Variants in CACNA1E observed in about 807,000 individuals in gnomAD.
CACNA1E encodes voltage-dependent R-type calcium channel subunit alpha-1E.
In CACNA1E, 40 loss-of-function variants were observed where a neutral mutation model predicts 259.2. The ratio of observed to expected loss-of-function variants is 0.15; its 90% CI spans 0.12 to 0.20. CACNA1E has a LOEUF of 0.20. Ranked by LOEUF, CACNA1E falls within the 10% of genes least tolerant of loss-of-function variation. The probability of loss-of-function intolerance (pLI) is 1.00; values close to 1 mark genes in which losing one functional copy is unlikely to be tolerated. For missense variants in CACNA1E, 1,874 were observed against 3,040.1 expected (o/e 0.62, Z 9.02); for synonymous variants, 1,104 against 1,138.5 (o/e 0.97, Z 0.61).
At chr1:181,683,953 C>T (rs968046613) in intron 7 of CACNA1E, among the ~76,000 whole-genome samples, 4 of 152,134 alleles carry the variant, frequency 2.6e-5, no homozygotes, top group Non-Finnish European at 5.9e-5. Context: ...GGTATATATA[C>T]AGATTGCTCC....
intron 14 of CACNA1E, 51 bp downstream of exon 14, chr1:181,720,388 G>A: frequency 6.3e-7 from 1 of 1,579,208 alleles, no homozygotes; most frequent in Non-Finnish European, 8.6e-7. Flanking sequence ...CCCAGTCGTA[G>A]CCTGTGTTGG....
intron 3 of CACNA1E, among the ~76,000 whole-genome samples, chr1:181,566,332 A>G (rs184116154): frequency 6.6e-6 from 1 of 152,302 alleles, no homozygotes; most frequent in East Asian, 1.9e-4. Context: ...GGATAGTGGT[A>G]CCTGTATGGA....
rs186226006 is a variant in CACNA1E at position 181,807,374 on chromosome 1, C to G, written c.*8540C>G. ...AGGTGGGGGGATTATAGGGCACCAG[C>G]TCAGCCGCCAAGTTCAGGAAGCAGC... On this transcript the variant is annotated 3_prime_UTR_variant, in exon 48 of 48. Transcript: ENST00000367573. 1.3e-5 allele frequency: 2 copies of G among 152,246 alleles called. No homozygotes were observed. Among genetic ancestry groups the G allele is most frequent in the Non-Finnish European group, 2.9e-5 (2 of 68,124 alleles). The allele number at this position is 152,246 out of a possible 1,614,324, so 9.4% of individuals were successfully genotyped here.
intron 3 of CACNA1E, among the ~76,000 whole-genome samples, chr1:181,531,631 C>G (rs1667789035): frequency 6.6e-6 from 1 of 152,128 alleles, no homozygotes; most frequent in Admixed American, 6.5e-5. Flanking sequence ...CATACTTTGC[C>G]CAGGGTGTGT....
intron 20 of CACNA1E, 134 bp downstream of exon 20, chr1:181,733,168 G>A (rs1655679852): frequency 2.3e-6 from 3 of 1,332,168 alleles, no homozygotes; most frequent in Non-Finnish European, 3.0e-6. Flanking sequence ...ACTTTGTGAG[G>A]TATGAATAAA....
At chr1:181,349,360 G>A (rs1051961207) in intron 1 of CACNA1E, among the ~76,000 whole-genome samples, 1 of 152,226 alleles carries the variant, frequency 6.6e-6, no homozygotes, top group African/African-American at 2.4e-5. Flanking sequence ...GACTTGAGAG[G>A]AAGCCTCGGG....
At chr1:181,539,859 G>T (rs1668450908) in intron 3 of CACNA1E, among the ~76,000 whole-genome samples, 1 of 152,192 alleles carries the variant, frequency 6.6e-6, no homozygotes, top group South Asian at 2.1e-4. Flanking sequence ...ACATGTAAAA[G>T]TGGTGTACAG....
chr1:181,563,317 A>G (rs1182030677), intron 3 of CACNA1E, among the ~76,000 whole-genome samples: 1 of 152,174 alleles, frequency 6.6e-6, no homozygotes, highest in Non-Finnish European at 1.5e-5. Flanking sequence ...ATGGAAAAAT[A>G]TATATTTTTG....
chr1:181,345,792 C>T (rs996913674), intron 1 of CACNA1E, among the ~76,000 whole-genome samples: 1 of 152,220 alleles, frequency 6.6e-6, no homozygotes, highest in Non-Finnish European at 1.5e-5. Flanking sequence ...AGGCTTGTGC[C>T]TAGCTCTACC....
intron 18 of CACNA1E, among the ~76,000 whole-genome samples, chr1:181,729,469 A>T (rs1655262008): frequency 6.6e-6 from 1 of 152,260 alleles, no homozygotes; most frequent in Non-Finnish European, 1.5e-5. Flanking sequence ...GAAACACAGA[A>T]GAAGCACTGT....
At chr1:181,645,023 G>T (rs775320817) in intron 6 of CACNA1E, among the ~76,000 whole-genome samples, 3 of 152,180 alleles carry the variant, frequency 2.0e-5, no homozygotes, top group Non-Finnish European at 2.9e-5. Context: ...GCTGGGGGAT[G>T]AGACATGGGC....
In CACNA1E at chr1:181,732,734, G is replaced by T; in HGVS notation, c.2648G>T (p.Trp883Leu). ...TCCCTGGGCCAGCGGGAGCCACCAT[G>T]GCTGGCCAGGCCCTGTCATGGAAAC... The part of the protein sequence containing the change: ...PLSLGQREPP[W>L]LARPCHGNCD... Residue 883 changes from tryptophan (W) to leucine (L), a missense_variant, in exon 20 of 48, where the codon TGG (tryptophan) becomes TTG (leucine). Around this residue, in one of 14 missense-constraint regions of CACNA1E, gnomAD observed 476 missense variants for 514.0 expected, o/e 0.93. Coordinates refer to ENST00000367573, the MANE Select transcript of CACNA1E (RefSeq NM_001205293.3). The surrounding 1 kb of genome is among the most constrained non-coding windows in gnomAD (Gnocchi z 5.5). The T allele has an allele frequency of 6.4e-7, 1 of 1,553,622 alleles. No homozygotes were observed. The highest frequency in any genetic ancestry group is 8.7e-7 in the Non-Finnish European group (1 of 1,150,530).
chr1:181,633,624 T>G (rs573409655), intron 6 of CACNA1E, among the ~76,000 whole-genome samples: 250 of 152,214 alleles, frequency 1.6e-3, no homozygotes, highest in African/African-American at 5.6e-3. Context: ...CCTGAGTAGC[T>G]GGGAATATAG....
rs1426768083 is a variant in CACNA1E, at chr1:181,386,803, C to G, written c.-14-26330C>G. Among the ~76,000 whole-genome samples, 3 of 152,288 alleles carry G rather than the reference C, an allele frequency of 2.0e-5. No homozygotes were observed. The South Asian group carries it at 6.2e-4, about 32-fold the overall frequency. On this transcript the variant is annotated intron_variant, in intron 1 of 11. Transcript: ENST00000524607. The stretch of plus-strand genomic sequence containing the variant: ...TGTAGGCCCTTCTGCAACTCTTAAG[C>G]CTTCCCCAAACACTGAAGCCTCTTG...
At chr1:181,461,898 A>C (rs1016876214) in intron 2 of CACNA1E, among the ~76,000 whole-genome samples, 4 of 152,064 alleles carry the variant, frequency 2.6e-5, no homozygotes, top group Admixed American at 1.3e-4. Flanking sequence ...TAATGGATAA[A>C]TATCCTTCTA....
At chr1:181,453,686 C>T (rs1253850841) in intron 2 of CACNA1E, among the ~76,000 whole-genome samples, 2 of 152,128 alleles carry the variant, frequency 1.3e-5, no homozygotes, top group Non-Finnish European at 2.9e-5. Flanking sequence ...TGGACAGAGG[C>T]CCAGAAGCCA....
intron 7 of CACNA1E, among the ~76,000 whole-genome samples, chr1:181,680,913 C>T (rs1283501377): frequency 6.6e-6 from 1 of 152,232 alleles, no homozygotes; most frequent in Non-Finnish European, 1.5e-5. Context: ...TCCCAGGTGT[C>T]ACACAGGGAC....
Position 181,776,485 on chromosome 1 carries a change from T to C in CACNA1E, c.5267+257T>C. On this transcript the variant is annotated intron_variant, in intron 38 of 47. Transcript: ENST00000367573. The surrounding 1 kb of genome is among the most constrained non-coding windows in gnomAD (Gnocchi z 4.4). ...CTGGTCTCATCATCCAGTCCTCACC[T>C]CAGATTATTTGGGCTCAGTCCCAAG... 1 of 382,162 alleles carries C rather than the reference T, an allele frequency of 2.6e-6. No homozygotes were observed. The highest frequency in any genetic ancestry group is 4.8e-6 in the Non-Finnish European group (1 of 209,636). 23.7% of individuals were successfully genotyped at this position (382,162 alleles called of 1,614,324 possible).
At chr1:181,738,455 C>T in intron 24 of CACNA1E, 29 bp downstream of exon 24, 3 of 1,595,958 alleles carry the variant, frequency 1.9e-6, no homozygotes, top group Non-Finnish European at 2.6e-6. Context: ...AACCTGGGCT[C>T]TTGGGTTTAG....
Sources: allele counts gnomAD v4.1 joint callset (sites outside exome capture counted in the v4.1 genomes callset), GRCh38; gene constraint gnomAD v4.1.1; regional missense constraint gnomAD v4.1.1; non-coding constraint Gnocchi (gnomAD v3.1); transcripts MANE v1.5; gene names NCBI Gene and HGNC (gene_info 2026-07-23, HGNC 2026-07-21).